DCP2: variants seen among roughly 807,000 people sequenced by gnomAD.
DCP2 encodes m7GpppN-mRNA hydrolase.
DCP2 carries 30 observed loss-of-function variants against 56.1 expected under a neutral mutation model. That is an observed-to-expected ratio of 0.53 (90% CI 0.40 to 0.73). The LOEUF (loss-of-function observed/expected upper bound fraction) is 0.73, where lower values mean the gene tolerates loss of function less well. Ranked by LOEUF, DCP2 falls within the 30% of genes least tolerant of loss-of-function variation. The probability of loss-of-function intolerance (pLI) is 0.00; values close to 1 mark genes in which losing one functional copy is unlikely to be tolerated. For synonymous variants in DCP2, 197 were observed against 163.3 expected, an observed-to-expected ratio of 1.21 and a Z score of -1.57; for missense variants, 533 against 502.7, an observed-to-expected ratio of 1.06 and a Z score of -0.58.
At chr5:113,006,263 A>G (rs1471985115) in intron 8 of DCP2, among the ~76,000 whole-genome samples, 1 of 152,182 alleles carries the variant, frequency 6.6e-6, no homozygotes, top group Non-Finnish European at 1.5e-5. Context: ...ATTCATAGAG[A>G]CACAAAGTAG....
At chr5:113,012,436 T>C (rs925097198) in intron 10 of DCP2, among the ~76,000 whole-genome samples, 1 of 152,172 alleles carries the variant, frequency 6.6e-6, no homozygotes, top group Non-Finnish European at 1.5e-5. Context: ...TTGAGTTGTC[T>C]TGAGAAGTGT....
chr5:112,978,293 C>T (rs555556456), intron 1 of DCP2, among the ~76,000 whole-genome samples: 5 of 152,266 alleles, frequency 3.3e-5, no homozygotes, highest in African/African-American at 1.2e-4. Context: ...CTACTGTGCA[C>T]CAGGCACTAC....
chr5:113,000,407 C>CAT (rs1268589935), intron 4 of DCP2, among the ~76,000 whole-genome samples: 1 of 90,916 alleles, frequency 1.1e-5, no homozygotes, highest in South Asian at 4.0e-4. Context: ...AATACACACA[C>CAT]ACACACACAC....
At chr5:113,011,729 A>G (rs1036070068) in intron 10 of DCP2, among the ~76,000 whole-genome samples, 1 of 152,120 alleles carries the variant, frequency 6.6e-6, no homozygotes, top group African/African-American at 2.4e-5. Flanking sequence ...CCACTTGTTT[A>G]TTTTTGTTTT....
chr5:113,004,358 A>G (rs560866646), intron 8 of DCP2, among the ~76,000 whole-genome samples: 39 of 152,398 alleles, frequency 2.6e-4, no homozygotes, highest in African/African-American at 9.4e-4. Context: ...ATATTTTCCA[A>G]ATTAACACAA....
rs552641328 is a variant in DCP2 at position 113,021,211 on chromosome 5, T to G, written c.*7727T>G. 6.6e-6 allele frequency among the ~76,000 whole-genome samples: 1 copy of G among 151,458 alleles called. No individual in the cohort carries two copies. The highest frequency in any genetic ancestry group is 1.5e-5 in the Non-Finnish European group (1 of 67,834). The stretch of plus-strand genomic sequence containing the variant: ...TGACCAACATGGTGAAACTAAAAAT[T>G]CAAAAATTAGCTGGGCGTGGTGGTG... On this transcript the variant is annotated 3_prime_UTR_variant, in exon 11 of 11. Transcript: ENST00000389063.
At position 113,015,236 on chromosome 5, in the gene DCP2, C is replaced by G. The variant is rs965004032; in HGVS notation, c.*1752C>G. ...CATATTTATAGTTGGTCCCAGCATT[C>G]CAGACTTCTGGTAAATTGTTAAAGG... On this transcript the variant is annotated 3_prime_UTR_variant, in exon 11 of 11. Coordinates refer to ENST00000389063, the MANE Select transcript of DCP2 (RefSeq NM_152624.6). 2 of 152,702 alleles carry G rather than the reference C, an allele frequency of 1.3e-5. No homozygotes were observed. Among genetic ancestry groups the G allele is most frequent in the African/African-American group, 4.8e-5 (2 of 41,548 alleles). 9.5% of individuals were successfully genotyped at this position (152,702 alleles called of 1,614,324 possible).
At chr5:113,009,948 C>T (rs1477082620) in intron 9 of DCP2, among the ~76,000 whole-genome samples, 5 of 142,520 alleles carry the variant, frequency 3.5e-5, no homozygotes, top group Non-Finnish European at 4.5e-5. Flanking sequence ...GACAGGGTCT[C>T]GCTCTGTCGT....
rs1273264203 is a variant in DCP2 at position 113,001,080 on chromosome 5, C to G, written c.433-4C>G. 1.3e-6 allele frequency: 2 copies of G among 1,590,066 alleles called. No individual in the cohort carries two copies. The highest frequency in any genetic ancestry group is 1.4e-5 in the African/African-American group (1 of 73,696). ...AAAATTTCATCCAAATTTGTTGTTTCCAGGTCTTTGAAGAAACTGGTTTTG... is the reference window on the plus strand; with the variant it reads ...AAAATTTCATCCAAATTTGTTGTTTGCAGGTCTTTGAAGAAACTGGTTTTG... On this transcript the variant is annotated splice_region_variant and splice_polypyrimidine_tract_variant and intron_variant, in intron 4 of 10. Coordinates refer to ENST00000389063, the MANE Select transcript of DCP2 (RefSeq NM_152624.6).
chr5:113,007,813 A>C, intron 8 of DCP2, 125 bp from the exon 9 acceptor site: 1 of 721,148 alleles, frequency 1.4e-6, no homozygotes, highest in Non-Finnish European at 2.3e-6. Context: ...TGATTAATGA[A>C]AATTTGGGTA....
chr5:113,001,071 TTG>T lies in DCP2; in HGVS notation c.433-11_433-10del. 1 of 1,571,002 alleles carries T rather than the reference TTG, an allele frequency of 6.4e-7. No individual in the cohort carries two copies. Among genetic ancestry groups the T allele is most frequent in the Non-Finnish European group, 8.6e-7 (1 of 1,161,458 alleles). On this transcript the variant is annotated splice_polypyrimidine_tract_variant and intron_variant, in intron 4 of 10. Coordinates refer to ENST00000389063, the MANE Select transcript of DCP2 (RefSeq NM_152624.6). ...ACTAAAATGAAAATTTCATCCAAATTTGTTGTTTCCAGGTCTTTGAAGAAACT... is the reference window on the plus strand; with the variant it reads ...ACTAAAATGAAAATTTCATCCAAATTTTGTTTCCAGGTCTTTGAAGAAACT...
rs1034708446 is a variant in DCP2 at position 113,016,367 on chromosome 5, G to A, written c.*2883G>A. On this transcript the variant is annotated 3_prime_UTR_variant, in exon 11 of 11. Transcript: ENST00000389063. ...TGTTGGAAAATGAAGTTGGATTTTT[G>A]TATTCATGTATAAAGGAAAGTCTCC... 1 of 152,408 alleles carries A rather than the reference G, an allele frequency of 6.6e-6. No individual in the cohort carries two copies. The highest frequency in any genetic ancestry group is 1.5e-5 in the Non-Finnish European group (1 of 68,024). 9.4% of individuals were successfully genotyped at this position (152,408 alleles called of 1,614,324 possible).
chr5:112,992,905 T>A (rs1748659740), intron 4 of DCP2, 135 bp downstream of exon 4: 1 of 472,226 alleles, frequency 2.1e-6, no homozygotes, highest in Admixed American at 4.4e-5. Context: ...AACTTACTTT[T>A]TTTTTTTTTA....
At chr5:112,992,043 T>C (rs1318457321) in intron 2 of DCP2, 78 bp from the exon 3 acceptor site, 4 of 1,552,560 alleles carry the variant, frequency 2.6e-6, no homozygotes, top group Non-Finnish European at 3.5e-6. Context: ...ACACTATTGA[T>C]TTAAATGGGT....
intron 7 of DCP2, among the ~76,000 whole-genome samples, chr5:113,002,611 C>G (rs971725580): frequency 1.3e-5 from 2 of 152,068 alleles, no homozygotes; most frequent in South Asian, 2.1e-4. Flanking sequence ...GCCTTGACCT[C>G]CTGGACTCAA....
Position 113,014,028 on chromosome 5 carries a change from A to C in DCP2, c.*544A>C, listed in dbSNP as rs1480752934. 6.6e-6 allele frequency: 1 copy of C among 152,382 alleles called. No homozygotes were observed. Among genetic ancestry groups the C allele is most frequent in the Non-Finnish European group, 1.5e-5 (1 of 68,194 alleles). 9.4% of individuals were successfully genotyped at this position (152,382 alleles called of 1,614,324 possible). A position where few individuals can be genotyped will look rare whatever the true frequency, so the allele number is the denominator to read the frequency against. On this transcript the variant is annotated 3_prime_UTR_variant, in exon 11 of 11. Coordinates refer to ENST00000389063, the MANE Select transcript of DCP2 (RefSeq NM_152624.6). ...TAATCTTCCTCTGGAGTTTTAGTGAAAGGATTTATTGAGCAGCTTCTGGAA... is the reference window on the plus strand; with the variant it reads ...TAATCTTCCTCTGGAGTTTTAGTGACAGGATTTATTGAGCAGCTTCTGGAA...
rs2150196657 is a variant in DCP2, at chr5:113,017,335, A to G, written c.*3851A>G. 1 of 152,318 alleles carries G rather than the reference A, an allele frequency of 6.6e-6. No homozygotes were observed. The highest frequency in any genetic ancestry group is 2.1e-4 in the South Asian group (1 of 4,822). 9.4% of individuals were successfully genotyped at this position (152,318 alleles called of 1,614,324 possible). ...TTTTGTTTGAAGGTATCCTTTACATACCTGTCTGTAGGTAAGCAAGTGTTA... is the reference window on the plus strand; with the variant it reads ...TTTTGTTTGAAGGTATCCTTTACATGCCTGTCTGTAGGTAAGCAAGTGTTA... On this transcript the variant is annotated 3_prime_UTR_variant, in exon 11 of 11. Coordinates refer to ENST00000389063, the MANE Select transcript of DCP2 (RefSeq NM_152624.6).
intron 1 of DCP2, among the ~76,000 whole-genome samples, chr5:112,982,191 T>TTA (rs10657452): frequency 0.28 from 43,213 of 152,028 alleles, 8,586 homozygotes; most frequent in African/African-American, 0.58. Context: ...TCCTCTCTAA[T>TTA]ATGTCCAAAG....
At chr5:112,985,730 G>C in intron 1 of DCP2, 105 bp from the exon 2 acceptor site, 1 of 1,308,164 alleles carries the variant, frequency 7.6e-7, no homozygotes, top group Non-Finnish European at 1.1e-6. Context: ...ACTGCTCTTG[G>C]TCCCTTTTCT....
Sources: allele counts gnomAD v4.1 joint callset (sites outside exome capture counted in the v4.1 genomes callset), GRCh38; gene constraint gnomAD v4.1.1; transcripts MANE v1.5; gene names NCBI Gene and HGNC (gene_info 2026-07-23, HGNC 2026-07-21).